Variants in TANC1 observed in about 807,000 individuals in gnomAD.
TANC1 encodes the protein protein TANC1.
Under a neutral mutation model 149.7 loss-of-function variants are expected in TANC1, and 77 were observed. The observed-to-expected ratio is 0.51, with a 90% CI of 0.43 to 0.62. The LOEUF is 0.62. TANC1 is among the 20% of genes least tolerant of loss of function. The probability of loss-of-function intolerance (pLI) is 0.00; values close to 1 mark genes in which losing one functional copy is unlikely to be tolerated. For missense variants in TANC1, 1,985 were observed against 2,321.8 expected, an observed-to-expected ratio of 0.85 and a Z score of 2.98; for synonymous variants, 854 against 925.0, an observed-to-expected ratio of 0.92 and a Z score of 1.39.
At chr2:159,079,920 G>A (rs2044088653) in intron 3 of TANC1, among the ~76,000 whole-genome samples, 2 of 152,208 alleles carry the variant, frequency 1.3e-5, no homozygotes, top group African/African-American at 4.8e-5. Context: ...TTTATAAGAA[G>A]TGCATGGGAG....
At chr2:159,228,141 G>A in intron 25 of TANC1, 176 bp downstream of exon 25, 7 of 681,246 alleles carry the variant, frequency 1.0e-5, no homozygotes, top group South Asian at 1.9e-5. Flanking sequence ...GTTTGGTCAC[G>A]GCTGCTACGC....
chr2:159,023,508 T>A, intron 2 of TANC1, among the ~76,000 whole-genome samples: 1 of 151,968 alleles, frequency 6.6e-6, no homozygotes, highest in East Asian at 2.0e-4. Context: ...GCCTGGGTAC[T>A]TTTTTGTATT....
At chr2:159,065,814 A>C in intron 2 of TANC1, 82 bp from the exon 3 acceptor site, 4 of 1,132,380 alleles carry the variant, frequency 3.5e-6, no homozygotes, top group Non-Finnish European at 4.0e-6. Context: ...TTTGAACACA[A>C]GTTACCTCTT....
chr2:159,027,470 CG>C (rs1386311016), intron 2 of TANC1, among the ~76,000 whole-genome samples: 2 of 152,206 alleles, frequency 1.3e-5, no homozygotes, highest in African/African-American at 2.4e-5. Flanking sequence ...GAGACCTTGT[CG>C]GAATGGCCTT....
At chr2:159,008,493 T>C (rs2037440415) in intron 2 of TANC1, among the ~76,000 whole-genome samples, 1 of 152,230 alleles carries the variant, frequency 6.6e-6, no homozygotes, top group African/African-American at 2.4e-5. Flanking sequence ...TCCAGCATGC[T>C]CAGGTTAACC....
At chr2:159,150,777 TAAA>T (rs11290702) in intron 7 of TANC1, 17,390 of 357,712 alleles carry the variant, frequency 0.049, 2 homozygotes, top group Middle Eastern at 0.073. Context: ...GCTCATTTGT[TAAA>T]AAAAAAAAAA....
chr2:159,010,941 A>G (rs1418394226), intron 2 of TANC1, among the ~76,000 whole-genome samples: 1 of 152,024 alleles, frequency 6.6e-6, no homozygotes, highest in African/African-American at 2.4e-5. Flanking sequence ...TTTGTCGCCC[A>G]AGCTGGGGTT....
intron 2 of TANC1, among the ~76,000 whole-genome samples, chr2:159,006,986 G>T (rs1258805044): frequency 2.0e-5 from 3 of 152,142 alleles, no homozygotes; most frequent in Non-Finnish European, 4.4e-5. Context: ...ACACAGGTAT[G>T]CAAAATTGCT....
At chr2:158,973,239 A>G (rs535976252) in intron 1 of TANC1, among the ~76,000 whole-genome samples, 4 of 152,274 alleles carry the variant, frequency 2.6e-5, no homozygotes, top group East Asian at 3.9e-4. Flanking sequence ...CGAACCCATC[A>G]TGTTCAGTTC....
rs1315511719 is a variant in TANC1, at chr2:159,054,707, T to A, written c.-15-11189T>A. On this transcript the variant is annotated intron_variant, in intron 2 of 26. Coordinates refer to ENST00000263635, the MANE Select transcript of TANC1 (RefSeq NM_033394.3). ...CCAAATTTCATTCAGCTGGCATTGATTGAGTGCCTTTTAACACTTTTTGAA... is the reference window on the plus strand; with the variant it reads ...CCAAATTTCATTCAGCTGGCATTGAATGAGTGCCTTTTAACACTTTTTGAA... Among the ~76,000 whole-genome samples, 5 of 152,242 alleles carry A rather than the reference T, an allele frequency of 3.3e-5. No homozygotes were observed. The East Asian group carries it at 9.6e-4, about 29-fold the overall frequency.
At chr2:159,155,680 C>G (rs1200538553) in intron 7 of TANC1, among the ~76,000 whole-genome samples, 1 of 152,236 alleles carries the variant, frequency 6.6e-6, no homozygotes, top group Non-Finnish European at 1.5e-5. Context: ...TTCTGAATGC[C>G]TTTCCTTTGC....
chr2:159,002,144 G>T (rs1272910668), intron 2 of TANC1, among the ~76,000 whole-genome samples: 1 of 152,218 alleles, frequency 6.6e-6, no homozygotes, highest in Non-Finnish European at 1.5e-5. Context: ...AGAAAGTCTT[G>T]TCAGCAGAGG....
chr2:159,073,032 C>G (rs928330165), intron 3 of TANC1, among the ~76,000 whole-genome samples: 1 of 152,176 alleles, frequency 6.6e-6, no homozygotes, highest in Non-Finnish European at 1.5e-5. Context: ...CTATGAAGTA[C>G]TTGCATTTTA....
At chr2:159,211,637 G>C (rs150300688) in intron 19 of TANC1, among the ~76,000 whole-genome samples, 190 of 152,370 alleles carry the variant, frequency 1.2e-3, no homozygotes, top group African/African-American at 4.5e-3. Flanking sequence ...TCTCTCTTGT[G>C]TTCGTAAGTC....
At chr2:159,180,073 G>A (rs2056325291) in intron 14 of TANC1, among the ~76,000 whole-genome samples, 1 of 152,152 alleles carries the variant, frequency 6.6e-6, no homozygotes, top group Non-Finnish European at 1.5e-5. Context: ...GCATTGGTGA[G>A]CCCTGGGAGC....
chr2:159,132,647 C>T (rs1362765361), intron 4 of TANC1, among the ~76,000 whole-genome samples: 1 of 146,080 alleles, frequency 6.8e-6, no homozygotes, highest in African/African-American at 2.5e-5. Context: ...TGCCACCACA[C>T]CCAGCTAATT....
intron 19 of TANC1, among the ~76,000 whole-genome samples, chr2:159,209,946 T>G (rs2058870666): frequency 6.6e-6 from 1 of 152,186 alleles, no homozygotes; most frequent in Non-Finnish European, 1.5e-5. Context: ...CACTCATTTT[T>G]TAAAATATGG....
chr2:159,115,573 G>A (rs191328025), intron 4 of TANC1, among the ~76,000 whole-genome samples: 1 of 152,224 alleles, frequency 6.6e-6, no homozygotes, highest in East Asian at 1.9e-4. Flanking sequence ...GGAGATTTTT[G>A]TACAGCAAAT....
chr2:159,008,938 A>G (rs2037491831), intron 2 of TANC1, among the ~76,000 whole-genome samples: 1 of 152,128 alleles, frequency 6.6e-6, no homozygotes, highest in Non-Finnish European at 1.5e-5. Flanking sequence ...ATAAATATGA[A>G]TTTAAATTTA....
Sources: allele counts gnomAD v4.1 joint callset (sites outside exome capture counted in the v4.1 genomes callset), GRCh38; gene constraint gnomAD v4.1.1; transcripts MANE v1.5; gene names NCBI Gene and HGNC (gene_info 2026-07-23, HGNC 2026-07-21).